PCDHGA3: variants seen among roughly 807,000 people sequenced by gnomAD.
PCDHGA3 encodes the protein protocadherin gamma subfamily A, 3.
In PCDHGA3, 40 loss-of-function variants were observed where a neutral mutation model predicts 58.5. The ratio of observed to expected loss-of-function variants is 0.68; its 90% CI spans 0.53 to 0.89. The LOEUF is 0.89. Among genes scored for constraint, PCDHGA3 ranks in the 40% least tolerant of loss-of-function variants. PCDHGA3 has a pLI of 0.00. For synonymous variants in PCDHGA3, 530 were observed against 525.7 expected, an observed-to-expected ratio of 1.01 and a Z score of -0.11; for missense variants, 1,223 against 1,195.9, an observed-to-expected ratio of 1.02 and a Z score of -0.33.
chr5:141,505,911 A>C (rs2099849083), intron 3 of PCDHGA3, among the ~76,000 whole-genome samples: 1 of 152,154 alleles, frequency 6.6e-6, no homozygotes, highest in South Asian at 2.1e-4. Flanking sequence ...CAAAGCATAG[A>C]GTTCTGGGCC....
At chr5:141,472,113 A>C (rs1296591849) in intron 1 of PCDHGA3, among the ~76,000 whole-genome samples, 1 of 152,260 alleles carries the variant, frequency 6.6e-6, no homozygotes, top group Non-Finnish European at 1.5e-5. Context: ...ATACATAAAG[A>C]AAATAAAAGA....
intron 1 of PCDHGA3, chr5:141,384,038 G>C (rs1779701578): frequency 6.2e-7 from 1 of 1,613,110 alleles, no homozygotes; most frequent in East Asian, 2.2e-5. Flanking sequence ...GGAAAGAATG[G>C]TGAGGTGACC....
intron 1 of PCDHGA3, chr5:141,413,757 G>C (rs2095674818): frequency 1.2e-6 from 2 of 1,612,920 alleles, no homozygotes; most frequent in African/African-American, 2.7e-5. Flanking sequence ...ATGGCGTCAA[G>C]TACCCGGAGC....
rs149553852 is a variant in PCDHGA3 at position 141,415,009 on chromosome 5, C to G, written c.2424+68552C>G. 3.1e-6 allele frequency: 5 copies of G among 1,613,544 alleles called. No homozygotes were observed. The East Asian group carries it at 1.1e-4, about 36-fold the overall frequency. On this transcript the variant is annotated intron_variant, in intron 1 of 3. Transcript: ENST00000253812. The stretch of plus-strand genomic sequence containing the variant: ...CCAGAACGCCTGGCTGTCCTACCGT[C>G]TGCTCAAGGCCAGCGAGCCGGGACT...
At chr5:141,384,811 C>A (rs1273757599) in intron 1 of PCDHGA3, 1 of 1,613,338 alleles carries the variant, frequency 6.2e-7, no homozygotes, top group Admixed American at 1.7e-5. Context: ...CAGAGATGCC[C>A]TCAAGCAGAG....
At chr5:141,478,498 G>T in intron 1 of PCDHGA3, 1 of 1,612,710 alleles carries the variant, frequency 6.2e-7, no homozygotes, top group South Asian at 1.1e-5. Context: ...GCTGTGATCC[G>T]GTGTTCTATA....
At chr5:141,434,553 G>T (rs1203568173) in intron 1 of PCDHGA3, among the ~76,000 whole-genome samples, 1 of 152,202 alleles carries the variant, frequency 6.6e-6, no homozygotes, top group Admixed American at 6.5e-5. Flanking sequence ...AGTGATCTGT[G>T]CCTTAAGGAC....
At chr5:141,392,859 CT>C in intron 1 of PCDHGA3, 1 of 1,612,504 alleles carries the variant, frequency 6.2e-7, no homozygotes, top group Non-Finnish European at 8.5e-7. Flanking sequence ...GCTGATCCTG[CT>C]GTGCGCGCTG....
intron 1 of PCDHGA3, chr5:141,360,756 A>T: frequency 6.2e-7 from 1 of 1,614,010 alleles, no homozygotes; most frequent in Non-Finnish European, 8.5e-7. Context: ...AGCACAGTTT[A>T]CATCAATTGG....
chr5:141,415,078 GC>G (rs2095826068), intron 1 of PCDHGA3: 1 of 1,613,376 alleles, frequency 6.2e-7, no homozygotes, highest in Non-Finnish European at 8.5e-7. Flanking sequence ...CACGGCGCGA[GC>G]CCTGCTGGAC....
chr5:141,368,929 T>G (rs1183733565), intron 1 of PCDHGA3, among the ~76,000 whole-genome samples: 1 of 152,228 alleles, frequency 6.6e-6, no homozygotes, highest in South Asian at 2.1e-4. Flanking sequence ...AGTGTCTGTC[T>G]AGAATTCTGG....
intron 1 of PCDHGA3, chr5:141,356,824 C>T: frequency 6.2e-7 from 1 of 1,614,146 alleles, no homozygotes; most frequent in Non-Finnish European, 8.5e-7. Flanking sequence ...AGACCCTCCA[C>T]TCAGCAGCAA....
chr5:141,465,049 T>G (rs546927594), intron 1 of PCDHGA3, among the ~76,000 whole-genome samples: 1 of 152,016 alleles, frequency 6.6e-6, no homozygotes, highest in Non-Finnish European at 1.5e-5. Flanking sequence ...ACCCTATATA[T>G]TTTTTTGAAT....
intron 1 of PCDHGA3, among the ~76,000 whole-genome samples, chr5:141,473,431 G>C (rs541546681): frequency 6.6e-6 from 1 of 152,148 alleles, no homozygotes; most frequent in South Asian, 2.1e-4. Context: ...CAGATACTTT[G>C]CTTATGCAAA....
chr5:141,383,564 G>T (rs767546411), intron 1 of PCDHGA3: 1 of 1,613,046 alleles, frequency 6.2e-7, no homozygotes, highest in South Asian at 1.1e-5. Flanking sequence ...GACCCGCCCC[G>T]ATCCAGCACC....
chr5:141,355,361 T>A (rs1759813020), intron 1 of PCDHGA3: 1 of 1,613,902 alleles, frequency 6.2e-7, no homozygotes, highest in African/African-American at 1.3e-5. Context: ...GACCTGGGGT[T>A]GGCGCCCCGG....
At chr5:141,471,571 A>G (rs1417147609) in intron 1 of PCDHGA3, 1 of 152,224 alleles carries the variant, frequency 6.6e-6, no homozygotes, top group African/African-American at 2.4e-5. Context: ...GGGTAGCAGT[A>G]GATAGGGTAA....
chr5:141,456,715 A>G (rs2098881350), intron 1 of PCDHGA3, among the ~76,000 whole-genome samples: 1 of 152,204 alleles, frequency 6.6e-6, no homozygotes, highest in South Asian at 2.1e-4. Flanking sequence ...CTGTAATCCC[A>G]GCACTTTGGG....
intron 1 of PCDHGA3, chr5:141,421,308 C>T: frequency 6.2e-7 from 1 of 1,613,678 alleles, no homozygotes; most frequent in Non-Finnish European, 8.5e-7. Flanking sequence ...TGCGGGGGTT[C>T]CGGGCCAGGC....
Sources: gnomAD v4.1 joint callset for allele counts (sites outside exome capture counted in the v4.1 genomes callset) on GRCh38, gnomAD v4.1.1 for gene constraint, MANE v1.5 for transcripts, NCBI Gene and HGNC (gene_info 2026-07-23, HGNC 2026-07-21) for gene names.